RIMBP2: variants seen among roughly 807,000 people sequenced by gnomAD.
The protein encoded by RIMBP2 is RIMS binding protein 2, also known as RIMS-binding protein 2.
A neutral mutation model predicts 118.6 loss-of-function variants in RIMBP2; 48 were observed. That is an observed-to-expected ratio of 0.40 (90% CI 0.32 to 0.51). The LOEUF is 0.51. RIMBP2 is among the 20% of genes least tolerant of loss of function. The pLI is 0.41. For missense variants in RIMBP2, 1,551 were observed against 1,768.3 expected, an observed-to-expected ratio of 0.88 and a Z score of 2.20; for synonymous variants, 762 against 742.9, an observed-to-expected ratio of 1.03 and a Z score of -0.42.
chr12:130,488,092 C>A (rs1478818222), intron 4 of RIMBP2, among the ~76,000 whole-genome samples: 17 of 152,134 alleles, frequency 1.1e-4, no homozygotes, highest in Non-Finnish European at 2.9e-5. Context: ...GAGGATTCAT[C>A]CTGTGGCTGT....
At position 130,442,595 on chromosome 12, in the gene RIMBP2, C is replaced by T. The variant is rs200895310; in HGVS notation, c.757G>A (p.Glu253Lys). The change falls in exon 11 of 23, where the codon GAG becomes AAG. Residue 253 changes from glutamate to lysine, a missense_variant. Glu to Lys is a moderately conservative substitution (Grantham distance 56). This residue lies in a region of RIMBP2 where 265 missense variants were observed against 349.5 expected (regional missense o/e 0.76). Coordinates refer to ENST00000690449, the MANE Select transcript of RIMBP2 (RefSeq NM_001393629.1). The surrounding 1 kb of genome is among the most constrained non-coding windows in gnomAD (Gnocchi z 6.9). The stretch of plus-strand genomic sequence containing the variant: ...CCCAGCGTGCTTGCCAACCGCGACT[C>T]GTTGTCCTGCACAAAGTCCACGAAG... ...SNFVDFVQDN[E>K]SRLASTLGNE... is the part of the protein sequence containing the mutation. 1.5e-5 allele frequency: 25 copies of T among 1,614,100 alleles called. No homozygotes were observed. Among genetic ancestry groups the T allele is most frequent in the Non-Finnish European group, 1.9e-5 (23 of 1,180,048 alleles).
chr12:130,478,972 C>T lies in RIMBP2; in HGVS notation c.42G>A (p.Glu14=), dbSNP rs1593454507. 1.9e-6 allele frequency: 3 copies of T among 1,614,014 alleles called. No individual in the cohort carries two copies. The highest frequency in any genetic ancestry group is 2.5e-6 in the Non-Finnish European group (3 of 1,179,986). Residue 14 remains glutamate, a synonymous_variant, in exon 5 of 23, where the codon GAG becomes GAA. Coordinates refer to ENST00000690449, the MANE Select transcript of RIMBP2 (RefSeq NM_001393629.1). ...AAERRQQLQL[E]HDQALAVLSA... is the part of the protein sequence containing the mutation. ...TGAGAACAGCCAGGGCCTGGTCATGCTCCAACTGCAGCTGCTGCCGCCGTT... is the reference window on the plus strand; with the variant it reads ...TGAGAACAGCCAGGGCCTGGTCATGTTCCAACTGCAGCTGCTGCCGCCGTT...
chr12:130,684,854 G>C (rs201366109), intron 1 of RIMBP2, among the ~76,000 whole-genome samples: 1 of 152,122 alleles, frequency 6.6e-6, no homozygotes, highest in African/African-American at 2.4e-5. Context: ...GCCCTGCTCC[G>C]TCTATGGAGT....
At chr12:130,561,629 C>T (rs2056829552) in intron 2 of RIMBP2, among the ~76,000 whole-genome samples, 2 of 152,080 alleles carry the variant, frequency 1.3e-5, no homozygotes, top group Admixed American at 6.5e-5. Flanking sequence ...TGTTTAACTC[C>T]CAACTGGCCA....
rs143698749 is a variant in RIMBP2 at position 130,560,093 on chromosome 12, T to C, written c.-216-42176A>G. The stretch of plus-strand genomic sequence containing the variant: ...CAACACACGGCCAAAGTCCAGGGTT[T>C]GTTTAATCTGAGATCTGGGAATGAC... On this transcript the variant is annotated intron_variant, in intron 2 of 22. Coordinates refer to ENST00000690449, the MANE Select transcript of RIMBP2 (RefSeq NM_001393629.1). Among the ~76,000 whole-genome samples the C allele has an allele frequency of 6.3e-3, 962 of 152,312 alleles. 10 individuals carry two copies. Among genetic ancestry groups the C allele is most frequent in the Admixed American group, 9.7e-3 (149 of 15,296 alleles).
chr12:130,609,847 C>T (rs1381622122), intron 2 of RIMBP2, among the ~76,000 whole-genome samples: 2 of 152,218 alleles, frequency 1.3e-5, no homozygotes, highest in South Asian at 2.1e-4. Context: ...TCAGCATCTG[C>T]GGGCAGGACA....
Position 130,571,416 on chromosome 12 carries a change from A to ACATT in RIMBP2, c.-216-53500_-216-53499insAATG, listed in dbSNP as rs386378267. On this transcript the variant is annotated intron_variant, in intron 2 of 22. Coordinates refer to ENST00000690449, the MANE Select transcript of RIMBP2 (RefSeq NM_001393629.1). Reference sequence around the variant, plus strand: ...GTGTGCTACTGCTACCCATAGTAACATTTTTTTTTTTTTTTTTTTTGGAGA... The same window carrying ACATT: ...GTGTGCTACTGCTACCCATAGTAACACATTTTTTTTTTTTTTTTTTTTTTGGAGA... Among the ~76,000 whole-genome samples, 27 of 104,296 alleles carry ACATT rather than the reference A, an allele frequency of 2.6e-4. 5 individuals carry two copies. The highest frequency in any genetic ancestry group is 2.3e-4 in the African/African-American group (7 of 31,066). 68.4% of individuals were successfully genotyped at this position (104,296 alleles called of 152,430 possible). A position where few individuals can be genotyped will look rare whatever the true frequency, so the allele number is the denominator to read the frequency against.
intron 2 of RIMBP2, among the ~76,000 whole-genome samples, chr12:130,598,616 T>C (rs980627614): frequency 6.6e-6 from 1 of 151,784 alleles, no homozygotes; most frequent in Non-Finnish European, 1.5e-5. Context: ...TAGTCCCAGC[T>C]ACTTGGGAGG....
intron 1 of RIMBP2, among the ~76,000 whole-genome samples, chr12:130,678,794 C>T (rs1047398698): frequency 4.6e-5 from 7 of 152,214 alleles, no homozygotes; most frequent in African/African-American, 1.7e-4. Flanking sequence ...GCTGGGATTA[C>T]AGGCGTAAGT....
chr12:130,537,688 T>C (rs1668249571), intron 2 of RIMBP2, among the ~76,000 whole-genome samples: 1 of 152,208 alleles, frequency 6.6e-6, no homozygotes, highest in African/African-American at 2.4e-5. Flanking sequence ...GTTGTACATA[T>C]ACGGTACATC....
intron 2 of RIMBP2, among the ~76,000 whole-genome samples, chr12:130,572,087 C>A (rs917038905): frequency 6.6e-6 from 1 of 152,014 alleles, no homozygotes; most frequent in African/African-American, 2.4e-5. Flanking sequence ...GCTCTGAGAG[C>A]AGACTCACTT....
At chr12:130,590,498 C>A (rs2059188517) in intron 2 of RIMBP2, among the ~76,000 whole-genome samples, 2 of 152,158 alleles carry the variant, frequency 1.3e-5, no homozygotes, top group Admixed American at 1.3e-4. Flanking sequence ...TTCAATCCAC[C>A]CAAGGGCTCC....
At chr12:130,448,730 C>T (rs1593337374) in intron 9 of RIMBP2, among the ~76,000 whole-genome samples, 1 of 152,236 alleles carries the variant, frequency 6.6e-6, no homozygotes, top group African/African-American at 2.4e-5. Context: ...GGATGGTGGG[C>T]CTGCCCCCAC....
At chr12:130,462,758 C>T (rs2080116921) in intron 6 of RIMBP2, among the ~76,000 whole-genome samples, 1 of 152,226 alleles carries the variant, frequency 6.6e-6, no homozygotes, top group East Asian at 1.9e-4. Flanking sequence ...AGAGCGCTGG[C>T]ACCACGTGGA....
Position 130,469,660 on chromosome 12 carries a change from T to G in RIMBP2, c.153+1033A>C, listed in dbSNP as rs1263236822. ...ATAGGATGATAATGATGAAACCTTTTCCTGTGGGAGGAATAGACTTTAAAA... is the reference window on the plus strand; with the variant it reads ...ATAGGATGATAATGATGAAACCTTTGCCTGTGGGAGGAATAGACTTTAAAA... On this transcript the variant is annotated intron_variant, in intron 6 of 22. Transcript: ENST00000690449. This position sits in a 1 kb window ranked among gnomAD's most constrained non-coding sequence, Gnocchi z 4.8. 6.6e-6 allele frequency among the ~76,000 whole-genome samples: 1 copy of G among 152,170 alleles called. No individual in the cohort carries two copies. Among genetic ancestry groups the G allele is most frequent in the East Asian group, 1.9e-4 (1 of 5,194 alleles).
intron 1 of RIMBP2, chr12:130,669,323 GA>G (rs2064094032): frequency 6.6e-6 from 1 of 152,228 alleles, no homozygotes. Context: ...GCACTAACAA[GA>G]TAAGACCCAA....
At chr12:130,676,303 TC>T (rs2064461321) in intron 1 of RIMBP2, among the ~76,000 whole-genome samples, 1 of 133,244 alleles carries the variant, frequency 7.5e-6, no homozygotes, top group Non-Finnish European at 1.6e-5. Flanking sequence ...CAAATGTCCC[TC>T]AGTGGAGGAT....
intron 4 of RIMBP2, among the ~76,000 whole-genome samples, chr12:130,485,870 CTT>C (rs1479331303): frequency 6.6e-6 from 1 of 152,150 alleles, no homozygotes; most frequent in Non-Finnish European, 1.5e-5. Context: ...GGGAAGAAGT[CTT>C]TGCATTTCTA....
At chr12:130,440,184 G>C (rs954415620) in intron 11 of RIMBP2, among the ~76,000 whole-genome samples, 1 of 128,388 alleles carries the variant, frequency 7.8e-6, no homozygotes, top group Non-Finnish European at 1.7e-5. Context: ...CACCGTCCCC[G>C]GGCATGGCTA....
Sources: allele counts gnomAD v4.1 joint callset (sites outside exome capture counted in the v4.1 genomes callset), GRCh38; gene constraint gnomAD v4.1.1; regional missense constraint gnomAD v4.1.1; non-coding constraint Gnocchi (gnomAD v3.1); transcripts MANE v1.5; gene names NCBI Gene and HGNC (gene_info 2026-07-23, HGNC 2026-07-21).